The following STARD13 variants were observed in gnomAD, a reference collection of about 807,000 sequenced individuals.
STARD13 encodes the protein stAR-related lipid transfer protein 13.
Under a neutral mutation model 106.4 loss-of-function variants are expected in STARD13, and 62 were observed. The ratio of observed to expected loss-of-function variants is 0.58; its 90% CI spans 0.48 to 0.72. The LOEUF (loss-of-function observed/expected upper bound fraction) is 0.72, where lower values mean the gene tolerates loss of function less well. STARD13 is among the 30% of genes least tolerant of loss of function. The pLI is 0.00. For missense variants in STARD13, 1,387 were observed against 1,424.0 expected, an observed-to-expected ratio of 0.97 and a Z score of 0.42; for synonymous variants, 565 against 553.0, an observed-to-expected ratio of 1.02 and a Z score of -0.31.
the STARD13 span, among the ~76,000 whole-genome samples, chr13:33,645,054 T>C: frequency 6.6e-6 from 1 of 152,184 alleles, no homozygotes; most frequent in Non-Finnish European, 1.5e-5. Flanking sequence ...AGCAGGAGTC[T>C]CTTGCAACGT....
chr13:33,567,847 C>A, the STARD13 span, among the ~76,000 whole-genome samples: 1 of 147,860 alleles, frequency 6.8e-6, no homozygotes, highest in African/African-American at 2.5e-5. Flanking sequence ...ATGCTGTTTG[C>A]CCATTTCATG....
intron 7 of STARD13, among the ~76,000 whole-genome samples, 174 bp downstream of exon 7, chr13:33,125,907 A>T (rs1219582409): frequency 7.5e-6 from 1 of 133,848 alleles, no homozygotes; most frequent in East Asian, 2.2e-4. Context: ...ACATCCTCAA[A>T]TAGGACATGT....
At chr13:33,299,656 G>A (rs760807957) in intron 1 of STARD13, among the ~76,000 whole-genome samples, 11 of 152,088 alleles carry the variant, frequency 7.2e-5, no homozygotes, top group African/African-American at 1.9e-4. Flanking sequence ...GTTGAATTCC[G>A]TACAGAGACA....
At chr13:33,143,327 T>A (rs1221934920) in intron 3 of STARD13, among the ~76,000 whole-genome samples, 1 of 152,074 alleles carries the variant, frequency 6.6e-6, no homozygotes, top group African/African-American at 2.4e-5. Context: ...ACTTCTATCA[T>A]CCGTAGATTA....
the STARD13 span, among the ~76,000 whole-genome samples, chr13:33,447,848 A>G: frequency 6.6e-6 from 1 of 152,174 alleles, no homozygotes; most frequent in Non-Finnish European, 1.5e-5. Flanking sequence ...TGAAAATAAG[A>G]GAGAAATAAG....
the STARD13 span, among the ~76,000 whole-genome samples, chr13:33,650,164 ATTTTTTTTTTTTTTTTTTTTTTTTTTTTT>A: frequency 1.0e-4 from 5 of 48,374 alleles, no homozygotes; most frequent in Admixed American, 3.8e-4. Flanking sequence ...CGTGACTCCA[ATTTTTTTTTTTTTTTTTTTTTTTTTTTTT>A]TTTTTTTTTT....
chr13:33,578,655 C>T, the STARD13 span, among the ~76,000 whole-genome samples: 2 of 151,898 alleles, frequency 1.3e-5, no homozygotes, highest in African/African-American at 4.8e-5. Flanking sequence ...GGAAATAGGA[C>T]CTAATTAAAC....
the STARD13 span, among the ~76,000 whole-genome samples, chr13:33,440,124 T>G: frequency 1.3e-5 from 2 of 151,978 alleles, no homozygotes; most frequent in African/African-American, 4.8e-5. Context: ...CAAAAAAATT[T>G]TAAAATTAGC....
At chr13:33,515,337 A>T in the STARD13 span, among the ~76,000 whole-genome samples, 53 of 152,188 alleles carry the variant, frequency 3.5e-4, 1 homozygote, top group Non-Finnish European at 1.5e-5. Context: ...CTGCTGGTGT[A>T]AAAATGTTTT....
chr13:33,609,969 TG>T, the STARD13 span, among the ~76,000 whole-genome samples: 1 of 152,142 alleles, frequency 6.6e-6, no homozygotes, highest in Non-Finnish European at 1.5e-5. Flanking sequence ...ATTTAAAAAG[TG>T]GGGAAAAAAG....
intron 3 of STARD13, among the ~76,000 whole-genome samples, chr13:33,154,443 G>A (rs1457003539): frequency 1.3e-5 from 2 of 152,188 alleles, no homozygotes; most frequent in Non-Finnish European, 2.9e-5. Flanking sequence ...TTAAGTATAT[G>A]TATGCTGTCC....
intron 1 of STARD13, among the ~76,000 whole-genome samples, chr13:33,336,964 A>G (rs979627264): frequency 6.6e-6 from 1 of 152,084 alleles, no homozygotes; most frequent in Admixed American, 6.6e-5. Flanking sequence ...TTGCACCAAC[A>G]TAATACTTCA....
the STARD13 span, among the ~76,000 whole-genome samples, chr13:33,419,691 T>TA: frequency 6.6e-6 from 1 of 152,110 alleles, no homozygotes; most frequent in African/African-American, 2.4e-5. Context: ...GAAAAAGTGT[T>TA]AAAAGCAGCC....
the STARD13 span, among the ~76,000 whole-genome samples, chr13:33,646,269 G>C: frequency 6.6e-6 from 1 of 152,088 alleles, no homozygotes; most frequent in African/African-American, 2.4e-5. Flanking sequence ...AATCTCCATG[G>C]TATTCATATA....
chr13:33,520,317 T>C, the STARD13 span, among the ~76,000 whole-genome samples: 2 of 152,112 alleles, frequency 1.3e-5, no homozygotes, highest in East Asian at 3.9e-4. Context: ...CATGCGGTTG[T>C]GACTGCATAT....
the STARD13 span, among the ~76,000 whole-genome samples, chr13:33,621,436 G>T: frequency 6.6e-6 from 1 of 152,024 alleles, no homozygotes; most frequent in Non-Finnish European, 1.5e-5. Context: ...CCAGCACTTT[G>T]GGAGGCCGAG....
At chr13:33,213,370 G>A (rs1389106945) in intron 1 of STARD13, among the ~76,000 whole-genome samples, 7 of 152,154 alleles carry the variant, frequency 4.6e-5, no homozygotes, top group Admixed American at 2.6e-4. Context: ...CTGGGGAGTC[G>A]TATTGAAAAC....
At chr13:33,288,817 ATT>A (rs1381864541), upstream of STARD13, among the ~76,000 whole-genome samples, 1 of 152,126 alleles carries the variant, frequency 6.6e-6, no homozygotes, top group Admixed American at 6.5e-5. Flanking sequence ...GTCATTTTGT[ATT>A]TCCAAGGTAC....
At chr13:33,234,343 C>A (rs182009059) in intron 1 of STARD13, among the ~76,000 whole-genome samples, 1 of 152,172 alleles carries the variant, frequency 6.6e-6, no homozygotes, top group Non-Finnish European at 1.5e-5. Context: ...AACAGAGTCC[C>A]AGCTATTTTC....
Sources: gnomAD v4.1 joint callset for allele counts (sites outside exome capture counted in the v4.1 genomes callset) on GRCh38, gnomAD v4.1.1 for gene constraint, MANE v1.5 for transcripts, NCBI Gene and HGNC (gene_info 2026-07-23, HGNC 2026-07-21) for gene names.